Variants in EMC1 observed in about 807,000 individuals in gnomAD.
EMC1 encodes the protein ER membrane protein complex subunit 1.
A neutral mutation model predicts 128.8 loss-of-function variants in EMC1; 103 were observed. That is an observed-to-expected ratio of 0.80 (90% CI 0.68 to 0.94). EMC1 has a LOEUF of 0.94. EMC1 is among the 40% of genes least tolerant of loss of function. EMC1 has a pLI of 0.00. For synonymous variants in EMC1, 442 were observed against 490.4 expected (o/e 0.90, Z 1.30); for missense variants, 1,083 against 1,250.6 (o/e 0.87, Z 2.02).
intron 2 of EMC1, chr1:19,244,678 T>A: frequency 2.3e-6 from 1 of 427,538 alleles, no homozygotes; most frequent in East Asian, 4.6e-5. Context: ...ATATCTTATT[T>A]AAGGACACTC....
Position 19,219,035 on chromosome 1 carries a change from T to A in EMC1, c.*268A>T. ...ATGGATGGGCAAAGAAAGGAAACAA[T>A]GCAGACGCCTTTGGACTTCAAGAGA... On this transcript the variant is annotated 3_prime_UTR_variant, in exon 23 of 23. Transcript: ENST00000477853. 1 of 367,460 alleles carries A rather than the reference T, an allele frequency of 2.7e-6. No homozygotes were observed. Among genetic ancestry groups the A allele is most frequent in the South Asian group, 5.9e-5 (1 of 16,980 alleles). 22.8% of individuals were successfully genotyped at this position (367,460 alleles called of 1,614,324 possible). A position where few individuals can be genotyped will look rare whatever the true frequency, so the allele number is the denominator to read the frequency against.
At position 19,218,603 on chromosome 1, in the gene EMC1, C is replaced by G. The variant is rs2093408780; in HGVS notation, c.*700G>C. 1 of 152,172 alleles carries G rather than the reference C, an allele frequency of 6.6e-6. No homozygotes were observed. The highest frequency in any genetic ancestry group is 6.5e-5 in the Admixed American group (1 of 15,276). 9.4% of individuals were successfully genotyped at this position (152,172 alleles called of 1,614,324 possible). On this transcript the variant is annotated 3_prime_UTR_variant, in exon 23 of 23. Coordinates refer to ENST00000477853, the MANE Select transcript of EMC1 (RefSeq NM_015047.3). ...GGTGAAAAGTATAGGCAATGGGCAA[C>G]AAACAAGACGCTAGTATGCACTTGG...
intron 3 of EMC1, 85 bp downstream of exon 3, chr1:19,243,865 C>A: frequency 6.6e-7 from 1 of 1,519,900 alleles, no homozygotes; most frequent in Non-Finnish European, 9.1e-7. Flanking sequence ...TCTCCTTTCC[C>A]TACCAGACCC....
intron 17 of EMC1, among the ~76,000 whole-genome samples, chr1:19,228,477 G>A (rs1342337866): frequency 6.6e-6 from 1 of 152,054 alleles, no homozygotes; most frequent in East Asian, 1.9e-4. Flanking sequence ...GGAATTATGC[G>A]GAGCCCTTGG....
rs1410892080 is a variant in EMC1, at chr1:19,243,273, G to A, written c.380+341C>T. ...AATAAAAATAAACAACTTTAGCAAA[G>A]ATGTTAACAATAGGTCAGGCTGTTC... On this transcript the variant is annotated intron_variant, in intron 4 of 22. Coordinates refer to ENST00000477853, the MANE Select transcript of EMC1 (RefSeq NM_015047.3). Among the ~76,000 whole-genome samples the A allele has an allele frequency of 1.3e-5, 2 of 152,096 alleles. 1 individual carries two copies. The highest frequency in any genetic ancestry group is 4.8e-5 in the African/African-American group (2 of 41,412).
At chr1:19,247,302 T>C (rs1412403431) in intron 1 of EMC1, among the ~76,000 whole-genome samples, 2 of 152,198 alleles carry the variant, frequency 1.3e-5, no homozygotes, top group Non-Finnish European at 2.9e-5. Flanking sequence ...GCCTCCCAAG[T>C]AGCTGGGATT....
intron 1 of EMC1, 78 bp from the exon 2 acceptor site, chr1:19,245,108 G>A (rs2093626043): frequency 1.3e-6 from 2 of 1,501,416 alleles, no homozygotes; most frequent in South Asian, 1.1e-5. Context: ...AAAAATCACA[G>A]GGCTATCACC....
In EMC1 at chr1:19,227,344, C is replaced by T. The variant is rs756136017; in HGVS notation, c.2171G>A (p.Arg724His). ...GAGCACACTGCGGTCCCCCATCACA[C>T]GGCCCTGGGAATGAACGTGCTCACT... ...RSSEHVHSQG[R>H]VMGDRSVLYK... Residue 724 changes from arginine (R) to histidine (H), a missense_variant, in exon 18 of 23, where the codon CGT (arginine) becomes CAT (histidine). Physicochemically the swap from Arg to His is conservative, Grantham distance 29. Around this residue, in one of 3 missense-constraint regions of EMC1, gnomAD observed 527 missense variants for 644.1 expected, o/e 0.82. Coordinates refer to ENST00000477853, the MANE Select transcript of EMC1 (RefSeq NM_015047.3). The T allele has an allele frequency of 9.9e-6, 16 of 1,614,174 alleles. No homozygotes were observed. The highest frequency in any genetic ancestry group is 2.2e-5 in the South Asian group (2 of 91,082).
intron 19 of EMC1, 98 bp downstream of exon 19, chr1:19,223,298 T>G: frequency 8.8e-7 from 1 of 1,135,334 alleles, no homozygotes; most frequent in Non-Finnish European, 1.3e-6. Context: ...GAATTTGAGA[T>G]CCTAAGAAAA....
intron 18 of EMC1, among the ~76,000 whole-genome samples, chr1:19,226,904 G>A (rs1209751092): frequency 6.6e-6 from 1 of 152,108 alleles, no homozygotes; most frequent in Non-Finnish European, 1.5e-5. Flanking sequence ...ACATGTGCCT[G>A]TGGTTCCAAT....
At chr1:19,226,962 A>G (rs1455358268) in intron 18 of EMC1, among the ~76,000 whole-genome samples, 1 of 152,000 alleles carries the variant, frequency 6.6e-6, no homozygotes, top group Admixed American at 6.6e-5. Flanking sequence ...AGGAGGACGA[A>G]GCTGCAGTGA....
At chr1:19,243,518 G>T in intron 4 of EMC1, 96 bp downstream of exon 4, 1 of 1,129,850 alleles carries the variant, frequency 8.9e-7, no homozygotes, top group Non-Finnish European at 1.3e-6. Context: ...AGTGGTCCCT[G>T]GGAAAAAGCC....
chr1:19,251,387 C>G (rs747542151), intron 1 of EMC1, 28 bp downstream of exon 1: 26 of 1,600,416 alleles, frequency 1.6e-5, no homozygotes, highest in Non-Finnish European at 2.1e-5. Context: ...AGCCACTTAT[C>G]TCTCGAATAT....
At chr1:19,219,939 G>C (rs1402127939) in intron 21 of EMC1, 4 of 499,050 alleles carry the variant, frequency 8.0e-6, no homozygotes, top group Non-Finnish European at 7.2e-6. Context: ...AATCTGAAAA[G>C]AAAGAACATA....
intron 1 of EMC1, among the ~76,000 whole-genome samples, chr1:19,246,019 C>T (rs1480382656): frequency 6.6e-6 from 1 of 152,076 alleles, no homozygotes; most frequent in Non-Finnish European, 1.5e-5. Flanking sequence ...CGATTAGGAT[C>T]GCTTGAGCCC....
Position 19,233,039 on chromosome 1 carries a change from C to T in EMC1, c.1529G>A (p.Arg510Gln), listed in dbSNP as rs1351938576. The T allele has an allele frequency of 7.4e-6, 12 of 1,614,192 alleles. No homozygotes were observed. Among genetic ancestry groups the T allele is most frequent in the African/African-American group, 2.7e-5 (2 of 75,022 alleles). The change falls in exon 14 of 23, where the codon CGG (arginine) becomes CAG (glutamine). Residue 510 changes from arginine to glutamine, a missense_variant. By Grantham distance (43) the Arg-to-Gln change is conservative. Transcript: ENST00000477853. ...SHLWKMFYDA[R>Q]KPRSQIKNEI... ...ATTCTTAATCTGACTCCGGGGCTTC[C>T]GAGCATCATAAAACATTTTCCAGAG...
chr1:19,246,896 T>C (rs2151965696), intron 1 of EMC1, among the ~76,000 whole-genome samples: 1 of 152,348 alleles, frequency 6.6e-6, no homozygotes, highest in South Asian at 2.1e-4. Flanking sequence ...AGTGTTACAG[T>C]ATTTGACGGC....
In EMC1 at chr1:19,220,840, GT is replaced by G; in HGVS notation, c.2595del (p.Pro866LeufsTer30). 6.2e-7 allele frequency: 1 copy of G among 1,612,936 alleles called. No individual in the cohort carries two copies. The highest frequency in any genetic ancestry group is 1.1e-5 in the South Asian group (1 of 90,978). ...GITSRHLLIG[L>X]PSGAILSLPK... ...GGAAGGGAAAGAATTGCTCCAGAAGGTAGTCCAACTACACAGGAGGAAGTGA... is the reference window on the plus strand; with the variant it reads ...GGAAGGGAAAGAATTGCTCCAGAAGGAGTCCAACTACACAGGAGGAAGTGA... On this transcript the variant is annotated frameshift_variant, in exon 21 of 23. Transcript: ENST00000477853. LOFTEE classifies it high-confidence loss of function.
At position 19,227,459 on chromosome 1, in the gene EMC1, G is replaced by C. The variant is rs753806521; in HGVS notation, c.2065-9C>G. 4.3e-6 allele frequency: 7 copies of C among 1,613,516 alleles called. No homozygotes were observed. Among genetic ancestry groups the C allele is most frequent in the Non-Finnish European group, 4.2e-6 (5 of 1,179,826 alleles). ...AGCTCAGTGGTGAGATCCTAGGGCA[G>C]GGGCAAAAAAGCCTGTAATCAGGAG... On this transcript the variant is annotated splice_polypyrimidine_tract_variant and intron_variant, in intron 17 of 22. Coordinates refer to ENST00000477853, the MANE Select transcript of EMC1 (RefSeq NM_015047.3).
Sources: allele counts gnomAD v4.1 joint callset (sites outside exome capture counted in the v4.1 genomes callset), GRCh38; gene constraint gnomAD v4.1.1; regional missense constraint gnomAD v4.1.1; transcripts MANE v1.5; gene names NCBI Gene and HGNC (gene_info 2026-07-23, HGNC 2026-07-21).